Variants in CRLF2 observed in about 807,000 individuals in gnomAD.
The protein encoded by CRLF2 is cytokine receptor-like factor 2.
In CRLF2, 41 loss-of-function variants were observed where a neutral mutation model predicts 38.7. The observed-to-expected ratio is 1.06, with a 90% confidence interval of 0.83 to 1.37. The LOEUF is 1.37. Among genes scored for constraint, CRLF2 ranks in the 40% most tolerant of loss-of-function variants. The pLI is 0.00. For missense variants in CRLF2, 377 were observed against 322.2 expected, an observed-to-expected ratio of 1.17 and a Z score of -1.30; for synonymous variants, 140 against 128.8, an observed-to-expected ratio of 1.09 and a Z score of -0.59.
At chrX:1,193,443 TC>T in intron 6 of CRLF2, 141 bp from the exon 7 acceptor site, 1 of 392,384 alleles carries the variant, frequency 2.5e-6, no homozygotes, top group Non-Finnish European at 4.5e-6. Context: ...ATGTGTCTCC[TC>T]CCGCTCCCCA....
At chrX:1,191,358 T>TTTCCTTCCTTCCTTCCTTCCTTCCTTCC (rs2086376601) in intron 7 of CRLF2, among the ~76,000 whole-genome samples, 198 bp from the exon 8 acceptor site, 1 of 103,714 alleles carries the variant, frequency 9.6e-6, no homozygotes, top group African/African-American at 3.4e-5. Flanking sequence ...TCTTTCTTTC[T>TTTCCTTCCTTCCTTCCTTCCTTCCTTCC]TTCCTTTCTT....
intron 4 of CRLF2, chrX:1,199,095 G>A (rs1489506440): frequency 1.8e-5 from 7 of 384,440 alleles, no homozygotes; most frequent in African/African-American, 1.3e-4. Flanking sequence ...GTTGTAGCAA[G>A]CAGAGATCGC....
In CRLF2 at chrX:1,190,773, C is replaced by G. The variant is rs1269683294; in HGVS notation, c.*124G>C. 23 of 398,330 alleles carry G rather than the reference C, an allele frequency of 5.8e-5. No individual in the cohort carries two copies. Among genetic ancestry groups the G allele is most frequent in the Middle Eastern group, 1.2e-3 (2 of 1,610 alleles). The allele number at this position is 398,330 out of a possible 1,614,324, so 24.7% of individuals were successfully genotyped here. A position where few individuals can be genotyped will look rare whatever the true frequency, so the allele number is the denominator to read the frequency against. ...GGTGAGGCTGGGTCTTCAGAGTCTC[C>G]TAGTCCTACCATCATTGGCGTGGAG... On this transcript the variant is annotated 3_prime_UTR_variant, in exon 8 of 8. Coordinates refer to ENST00000400841, the MANE Select transcript of CRLF2 (RefSeq NM_022148.4).
chrX:1,206,650 T>G, intron 2 of CRLF2, 51 bp from the exon 3 acceptor site: 1 of 1,575,014 alleles, frequency 6.3e-7, no homozygotes, highest in South Asian at 1.1e-5. Flanking sequence ...AAGCATGTCT[T>G]ATTTATTTAG....
chrX:1,192,181 G>A (rs1172988170), intron 7 of CRLF2, among the ~76,000 whole-genome samples: 1 of 136,432 alleles, frequency 7.3e-6, no homozygotes, highest in Non-Finnish European at 1.5e-5. Flanking sequence ...CTCCAGCCTG[G>A]GCGACAGAGC....
chrX:1,203,518 A>T (rs2086644067), intron 3 of CRLF2, among the ~76,000 whole-genome samples: 3 of 151,832 alleles, frequency 2.0e-5, no homozygotes. Context: ...TTGAGGTGAG[A>T]TCATCCTGGA....
chrX:1,202,353 T>A, intron 4 of CRLF2, 49 bp downstream of exon 4: 1 of 1,610,136 alleles, frequency 6.2e-7, no homozygotes, highest in East Asian at 2.2e-5. Flanking sequence ...AGCCCGCACC[T>A]GGGGGACGCT....
chrX:1,196,715 T>C, intron 6 of CRLF2, 65 bp downstream of exon 6: 1 of 1,577,964 alleles, frequency 6.3e-7, no homozygotes, highest in African/African-American at 1.4e-5. Context: ...TTAATCTTTT[T>C]TCGTACTTCA....
intron 1 of CRLF2, among the ~76,000 whole-genome samples, chrX:1,209,542 A>G (rs1461712302): frequency 5.3e-5 from 8 of 151,536 alleles, no homozygotes; most frequent in South Asian, 2.1e-4. Context: ...TGTGTTAGCC[A>G]GGATGGTCTC....
At chrX:1,204,396 T>TG (rs1206527575) in intron 3 of CRLF2, among the ~76,000 whole-genome samples, 4 of 151,100 alleles carry the variant, frequency 2.6e-5, no homozygotes, top group Admixed American at 6.6e-5. Context: ...GCCCGGCTAA[T>TG]TATGTATTTT....
intron 3 of CRLF2, 42 bp from the exon 4 acceptor site, chrX:1,202,577 AGCT>A (rs781259538): frequency 6.2e-7 from 1 of 1,613,080 alleles, no homozygotes; most frequent in Non-Finnish European, 8.5e-7. Flanking sequence ...CTCCTCTCTG[AGCT>A]GATTGTGACA....
At chrX:1,195,743 A>AT (rs2091564715) in intron 6 of CRLF2, among the ~76,000 whole-genome samples, 2 of 136,456 alleles carry the variant, frequency 1.5e-5, no homozygotes, top group South Asian at 4.4e-4. Context: ...ATATTTTTAT[A>AT]AATATATATA....
chrX:1,206,620 C>T (rs2086696303), intron 2 of CRLF2, 21 bp from the exon 3 acceptor site: 4 of 1,607,614 alleles, frequency 2.5e-6, no homozygotes, highest in Admixed American at 1.7e-5. Context: ...AAACGATGAC[C>T]ATTCAGCAAC....
chrX:1,212,010 A>G (rs1197834361), intron 1 of CRLF2, among the ~76,000 whole-genome samples: 1 of 149,882 alleles, frequency 6.7e-6, no homozygotes, highest in Non-Finnish European at 1.5e-5. Flanking sequence ...TGGATGGTGG[A>G]TGGATGGATG....
chrX:1,197,908 G>A (rs1309653883), intron 5 of CRLF2, among the ~76,000 whole-genome samples: 10 of 151,872 alleles, frequency 6.6e-5, no homozygotes, highest in Non-Finnish European at 1.3e-4. Context: ...AGGCTGAGGC[G>A]GGAGAATCGA....
intron 4 of CRLF2, among the ~76,000 whole-genome samples, chrX:1,201,804 G>A (rs1252894351): frequency 2.0e-4 from 29 of 146,834 alleles, no homozygotes; most frequent in Admixed American, 2.0e-3. Flanking sequence ...TAATGGGTAG[G>A]TAGTTAGATA....
intron 6 of CRLF2, among the ~76,000 whole-genome samples, chrX:1,195,280 A>G (rs1483483531): frequency 6.6e-6 from 1 of 152,164 alleles, no homozygotes; most frequent in Non-Finnish European, 1.5e-5. Context: ...CTGAAAGAAT[A>G]TTGTTTCGTC....
chrX:1,209,545 A>C (rs1203787101), intron 1 of CRLF2, among the ~76,000 whole-genome samples: 1 of 150,910 alleles, frequency 6.6e-6, no homozygotes, highest in Non-Finnish European at 1.5e-5. Flanking sequence ...GTTAGCCAGG[A>C]TGGTCTCGAT....
chrX:1,208,805 C>T lies in CRLF2; in HGVS notation c.182+1G>A, dbSNP rs1802067996. On this transcript the variant is annotated splice_donor_variant, in intron 2 of 7. Coordinates refer to ENST00000400841, the MANE Select transcript of CRLF2 (RefSeq NM_022148.4). LOFTEE classifies it high-confidence loss of function. ...GGGTTCGCTTTCTGGGGGCCACTTA[C>T]CTGTAGTGGAAAGTCAGGTTGGTCC... 1 of 1,590,318 alleles carries T rather than the reference C, an allele frequency of 6.3e-7. No homozygotes were observed. Among genetic ancestry groups the T allele is most frequent in the Admixed American group, 1.7e-5 (1 of 59,936 alleles).
Sources: gnomAD v4.1 joint callset for allele counts (sites outside exome capture counted in the v4.1 genomes callset) on GRCh38, gnomAD v4.1.1 for gene constraint, MANE v1.5 for transcripts, NCBI Gene and HGNC (gene_info 2026-07-23, HGNC 2026-07-21) for gene names.